The following PPM1G variants were observed in gnomAD, a reference collection of about 807,000 sequenced individuals.
PPM1G encodes the protein protein phosphatase, Mg2+/Mn2+ dependent 1G.
A neutral mutation model predicts 59.4 loss-of-function variants in PPM1G; 12 were observed. That is an observed-to-expected ratio of 0.20 (90% CI 0.13 to 0.33). The LOEUF (loss-of-function observed/expected upper bound fraction) is 0.33, where lower values mean the gene tolerates loss of function less well. Ranked by LOEUF, PPM1G falls within the 10% of genes least tolerant of loss-of-function variation. The probability of loss-of-function intolerance (pLI) is 1.00; values close to 1 mark genes in which losing one functional copy is unlikely to be tolerated. For missense variants in PPM1G, 392 were observed against 681.3 expected (o/e 0.58, Z 4.73); for synonymous variants, 245 against 251.9 (o/e 0.97, Z 0.26).
chr2:27,381,469 G>T lies in PPM1G; in HGVS notation c.*130C>A. The stretch of plus-strand genomic sequence containing the variant: ...AGGGAGAGCCCTCTTTGGAATGGGC[G>T]GAGTGAAGCCACCCAGCTCCCCCTG... On this transcript the variant is annotated 3_prime_UTR_variant, in exon 10 of 10. Transcript: ENST00000344034. 1 of 1,017,208 alleles carries T rather than the reference G, an allele frequency of 9.8e-7. No individual in the cohort carries two copies. Among genetic ancestry groups the T allele is most frequent in the Non-Finnish European group, 1.5e-6 (1 of 671,374 alleles). The allele number at this position is 1,017,208 out of a possible 1,614,324, so 63.0% of individuals were successfully genotyped here.
At chr2:27,403,873 T>TA (rs1232588439) in intron 1 of PPM1G, among the ~76,000 whole-genome samples, 3,394 of 141,154 alleles carry the variant, frequency 0.024, 75 homozygotes, top group African/African-American at 0.061. Flanking sequence ...AGACTCTGTC[T>TA]AAAAAAAAAA....
intron 1 of PPM1G, among the ~76,000 whole-genome samples, chr2:27,403,645 G>C (rs975629445): frequency 5.3e-5 from 8 of 152,082 alleles, no homozygotes; most frequent in African/African-American, 1.9e-4. Context: ...CCAGCACTTT[G>C]GGAGGCGGAG....
chr2:27,393,718 G>A (rs891172187), intron 1 of PPM1G, among the ~76,000 whole-genome samples: 5 of 151,948 alleles, frequency 3.3e-5, no homozygotes, highest in Non-Finnish European at 5.9e-5. Flanking sequence ...CCGAGTAGCT[G>A]GGAGTACAGG....
chr2:27,387,619 G>A (rs1420730063), intron 1 of PPM1G, among the ~76,000 whole-genome samples: 1 of 151,800 alleles, frequency 6.6e-6, no homozygotes, highest in Non-Finnish European at 1.5e-5. Context: ...TCCTGCCTCC[G>A]CCTGCTGAAT....
intron 1 of PPM1G, among the ~76,000 whole-genome samples, chr2:27,402,573 G>C (rs928077990): frequency 1.3e-5 from 2 of 152,048 alleles, no homozygotes; most frequent in African/African-American, 4.8e-5. Context: ...TTGGGAGGCC[G>C]ATGTGGGTGG....
chr2:27,408,003 C>T (rs1445647540), intron 1 of PPM1G, among the ~76,000 whole-genome samples: 12 of 151,386 alleles, frequency 7.9e-5, no homozygotes, highest in Non-Finnish European at 1.6e-4. Flanking sequence ...GCCGAGATCG[C>T]GCCATTGCAT....
Position 27,409,494 on chromosome 2 carries a change from G to A in PPM1G, c.-72C>T, listed in dbSNP as rs1663465502. 4.4e-6 allele frequency: 6 copies of A among 1,379,250 alleles called. No individual in the cohort carries two copies. The South Asian group carries it at 8.3e-5, about 19-fold the overall frequency. 85.4% of individuals were successfully genotyped at this position (1,379,250 alleles called of 1,614,324 possible). ...CCCGTGCCGGAGCCGAAGCCCCGGG[G>A]GTGCGCGCGGCAGGAGCAGGCCCCG... On this transcript the variant is annotated 5_prime_UTR_variant, in exon 1 of 10. Coordinates refer to ENST00000344034, the MANE Select transcript of PPM1G (RefSeq NM_177983.3).
rs766752573 is a variant in PPM1G, at chr2:27,381,689, A to G, written c.1551T>C (p.Ser517=). The part of the protein sequence containing the change: ...PRNTAELQPE[S]GKRKLEEVLS... ...GCACCTCCTCTAGTTTTCGCTTGCCACTCTCTGGCTGGAGCTCTGCTGTGT... is the reference window on the plus strand; with the variant it reads ...GCACCTCCTCTAGTTTTCGCTTGCCGCTCTCTGGCTGGAGCTCTGCTGTGT... Residue 517 remains serine, a synonymous_variant, in exon 10 of 10, where the codon AGT becomes AGC. Coordinates refer to ENST00000344034, the MANE Select transcript of PPM1G (RefSeq NM_177983.3). The G allele has an allele frequency of 6.2e-7, 1 of 1,613,490 alleles. No individual in the cohort carries two copies. The highest frequency in any genetic ancestry group is 8.5e-7 in the Non-Finnish European group (1 of 1,179,934).
Position 27,382,831 on chromosome 2 carries a change from T to TG in PPM1G, c.1202-227_1202-226insC, listed in dbSNP as rs958424470. ...TCTTTTTATTTTAAGTCTTTTTTGT[T>TG]TTTTTTTTTTTGAGACGGAGTTTCA... On this transcript the variant is annotated intron_variant, in intron 7 of 9. Coordinates refer to ENST00000344034, the MANE Select transcript of PPM1G (RefSeq NM_177983.3). The surrounding 1 kb of genome is among the most constrained non-coding windows in gnomAD (Gnocchi z 4.2). Among the ~76,000 whole-genome samples the TG allele has an allele frequency of 2.7e-5, 4 of 150,146 alleles. No homozygotes were observed. Among genetic ancestry groups the TG allele is most frequent in the African/African-American group, 9.7e-5 (4 of 41,090 alleles).
intron 1 of PPM1G, among the ~76,000 whole-genome samples, chr2:27,394,482 C>T (rs1038323699): frequency 1.3e-5 from 2 of 151,828 alleles, no homozygotes; most frequent in African/African-American, 4.8e-5. Context: ...TGTAATCCCA[C>T]CACTTTGGGA....
intron 1 of PPM1G, among the ~76,000 whole-genome samples, chr2:27,406,764 G>A (rs973184573): frequency 8.6e-5 from 13 of 152,038 alleles, no homozygotes; most frequent in African/African-American, 2.9e-4. Context: ...AGAAAGAAGG[G>A]TACCAAAGAA....
chr2:27,408,477 C>A (rs1294900784), intron 1 of PPM1G, among the ~76,000 whole-genome samples: 2 of 152,094 alleles, frequency 1.3e-5, no homozygotes, highest in Admixed American at 6.6e-5. Context: ...CAATATTTTT[C>A]TTTTCCCCTT....
chr2:27,405,683 C>T (rs1663340247), intron 1 of PPM1G, among the ~76,000 whole-genome samples: 1 of 152,014 alleles, frequency 6.6e-6, no homozygotes, highest in African/African-American at 2.4e-5. Context: ...CGTTAAGCCA[C>T]CACGACTGGC....
At chr2:27,407,519 G>A (rs1409483762) in intron 1 of PPM1G, among the ~76,000 whole-genome samples, 7 of 151,762 alleles carry the variant, frequency 4.6e-5, no homozygotes, top group East Asian at 1.9e-4. Flanking sequence ...TGCCTGCCTC[G>A]GCCTCCCAAA....
At chr2:27,381,852 GC>G in intron 9 of PPM1G, 47 bp from the exon 10 acceptor site, 1 of 1,578,366 alleles carries the variant, frequency 6.3e-7, no homozygotes, top group Non-Finnish European at 8.7e-7. Context: ...TGAACACCTT[GC>G]CAGGAATCTA....
At chr2:27,393,492 C>A in intron 1 of PPM1G, 1 of 726,502 alleles carries the variant, frequency 1.4e-6, no homozygotes, top group Non-Finnish European at 2.4e-6. Flanking sequence ...CTATGGGCGG[C>A]CGGCCGGGGT....
At chr2:27,403,673 G>C (rs1272827635) in intron 1 of PPM1G, among the ~76,000 whole-genome samples, 1 of 151,786 alleles carries the variant, frequency 6.6e-6, no homozygotes, top group East Asian at 1.9e-4. Context: ...GATCACCTGA[G>C]GTCAGGAGTT....
chr2:27,399,112 C>T (rs556608987), intron 1 of PPM1G, among the ~76,000 whole-genome samples: 124 of 151,944 alleles, frequency 8.2e-4, no homozygotes, highest in African/African-American at 2.9e-3. Flanking sequence ...TCCATTCCAG[C>T]CTGGGTGGTC....
chr2:27,384,599 T>C lies in PPM1G; in HGVS notation c.825+74A>G. 6.7e-7 allele frequency: 1 copy of C among 1,494,406 alleles called. No homozygotes were observed. The highest frequency in any genetic ancestry group is 1.3e-5 in the South Asian group (1 of 75,292). The allele number at this position is 1,494,406 out of a possible 1,614,324, so 92.6% of individuals were successfully genotyped here. A position where few individuals can be genotyped will look rare whatever the true frequency, so the allele number is the denominator to read the frequency against. ...GTCAAAATAGGAGAAGGAAAGAGAG[T>C]TGAAAACTACAGACGGCAACCAAAC... On this transcript the variant is annotated intron_variant, in intron 5 of 9. Coordinates refer to ENST00000344034, the MANE Select transcript of PPM1G (RefSeq NM_177983.3). This position sits in a 1 kb window ranked among gnomAD's most constrained non-coding sequence, Gnocchi z 4.8.
Sources: allele counts gnomAD v4.1 joint callset (sites outside exome capture counted in the v4.1 genomes callset), GRCh38; gene constraint gnomAD v4.1.1; non-coding constraint Gnocchi (gnomAD v3.1); transcripts MANE v1.5; gene names NCBI Gene and HGNC (gene_info 2026-07-23, HGNC 2026-07-21).